Variants in CCSER1 observed in about 807,000 individuals in gnomAD.
CCSER1 encodes serine-rich coiled-coil domain-containing protein 1.
Under a neutral mutation model 82.0 loss-of-function variants are expected in CCSER1, and 41 were observed. The observed-to-expected ratio is 0.50, with a 90% CI of 0.39 to 0.65. CCSER1 has a LOEUF of 0.65. Ranked by LOEUF, CCSER1 falls within the 30% of genes least tolerant of loss-of-function variation. The pLI is 0.00. For synonymous variants in CCSER1, 414 were observed against 383.9 expected, an observed-to-expected ratio of 1.08 and a Z score of -0.92; for missense variants, 1,119 against 1,064.2, an observed-to-expected ratio of 1.05 and a Z score of -0.72.
intron 6 of CCSER1, among the ~76,000 whole-genome samples, chr4:90,651,631 T>A (rs1210754389): frequency 6.6e-6 from 1 of 151,810 alleles, no homozygotes; most frequent in Non-Finnish European, 1.5e-5. Context: ...GGCACGTGTA[T>A]ACCTACGTAA....
At chr4:90,480,864 CT>C (rs1560584319) in intron 5 of CCSER1, among the ~76,000 whole-genome samples, 1 of 152,118 alleles carries the variant, frequency 6.6e-6, no homozygotes, top group Non-Finnish European at 1.5e-5. Flanking sequence ...AATGCGGGCT[CT>C]TTTTTGGTTC....
At chr4:91,490,488 G>T (rs1477987418) in intron 10 of CCSER1, among the ~76,000 whole-genome samples, 2 of 151,942 alleles carry the variant, frequency 1.3e-5, no homozygotes, top group Admixed American at 1.3e-4. Flanking sequence ...AATACACCAG[G>T]CCCAGAAAGA....
chr4:90,919,163 A>G (rs73834582), intron 8 of CCSER1, among the ~76,000 whole-genome samples: 5,775 of 151,240 alleles, frequency 0.038, 347 homozygotes, highest in African/African-American at 0.13. Context: ...GACACCAAAA[A>G]TAGTTTTATT....
intron 1 of CCSER1, among the ~76,000 whole-genome samples, chr4:90,165,540 CTT>C (rs1730288124): frequency 6.6e-6 from 1 of 151,922 alleles, no homozygotes; most frequent in South Asian, 2.1e-4. Flanking sequence ...AATTGTTACT[CTT>C]ATTGGGCAGT....
At chr4:91,191,269 T>G (rs1050859606) in intron 10 of CCSER1, among the ~76,000 whole-genome samples, 3 of 152,150 alleles carry the variant, frequency 2.0e-5, no homozygotes, top group African/African-American at 7.2e-5. Flanking sequence ...TATCTGCTAT[T>G]TCTGTTGTAT....
intron 10 of CCSER1, among the ~76,000 whole-genome samples, chr4:91,459,241 T>G (rs941109006): frequency 1.3e-5 from 2 of 152,022 alleles, no homozygotes; most frequent in African/African-American, 2.4e-5. Flanking sequence ...TTGATAAGTG[T>G]TGTATGAAAG....
chr4:91,478,126 GA>G (rs1296917267), intron 10 of CCSER1, among the ~76,000 whole-genome samples: 2 of 151,772 alleles, frequency 1.3e-5, no homozygotes, highest in African/African-American at 4.8e-5. Context: ...AATGTTTCCT[GA>G]AAAGTCTTTC....
At chr4:90,728,098 C>T (rs1744006210) in intron 7 of CCSER1, among the ~76,000 whole-genome samples, 1 of 152,150 alleles carries the variant, frequency 6.6e-6, no homozygotes, top group African/African-American at 2.4e-5. Context: ...TTGACTACTG[C>T]TTCCCTGGGA....
chr4:90,241,279 C>T (rs1746785335), intron 1 of CCSER1, among the ~76,000 whole-genome samples: 1 of 152,158 alleles, frequency 6.6e-6, no homozygotes, highest in African/African-American at 2.4e-5. Flanking sequence ...CTTTCATGTT[C>T]ATATACTGTT....
intron 10 of CCSER1, among the ~76,000 whole-genome samples, chr4:91,115,861 T>TATATATATATATATATATA (rs757901995): frequency 7.5e-6 from 1 of 133,582 alleles, no homozygotes; most frequent in South Asian, 2.5e-4. Context: ...ATATATATAT[T>TATATATATATATATATATA]TTTTTTTATT....
At chr4:90,192,242 A>G (rs1735774454) in intron 1 of CCSER1, among the ~76,000 whole-genome samples, 1 of 151,974 alleles carries the variant, frequency 6.6e-6, no homozygotes, top group South Asian at 2.1e-4. Context: ...AGTAGCCATC[A>G]GATCTTGTGA....
chr4:91,169,123 G>T (rs1732482639), intron 10 of CCSER1, among the ~76,000 whole-genome samples: 1 of 148,524 alleles, frequency 6.7e-6, no homozygotes, highest in South Asian at 2.1e-4. Flanking sequence ...TTTATCTGCT[G>T]ACCTTGTCTC....
At chr4:90,631,201 A>G (rs949295382) in intron 6 of CCSER1, among the ~76,000 whole-genome samples, 1 of 152,088 alleles carries the variant, frequency 6.6e-6, no homozygotes, top group African/African-American at 2.4e-5. Context: ...CCAAGTTCAC[A>G]GATTATTTTT....
intron 10 of CCSER1, among the ~76,000 whole-genome samples, chr4:91,148,228 G>A (rs555305468): frequency 2.1e-4 from 32 of 151,842 alleles, no homozygotes; most frequent in African/African-American, 6.5e-4. Flanking sequence ...CTTACAATGC[G>A]GTCTAATCCA....
intron 10 of CCSER1, among the ~76,000 whole-genome samples, chr4:91,259,202 C>T (rs933314773): frequency 1.3e-5 from 2 of 151,964 alleles, no homozygotes; most frequent in African/African-American, 2.4e-5. Context: ...ATGAAAGTTG[C>T]CTTAAAGATG....
chr4:90,537,625 T>C (rs1775576181), intron 5 of CCSER1, among the ~76,000 whole-genome samples: 1 of 152,214 alleles, frequency 6.6e-6, no homozygotes, highest in African/African-American at 2.4e-5. Flanking sequence ...TGTGGTTGCT[T>C]TGTATGAAGG....
intron 5 of CCSER1, among the ~76,000 whole-genome samples, chr4:90,483,677 C>A (rs1373047504): frequency 6.6e-6 from 1 of 152,116 alleles, no homozygotes; most frequent in Non-Finnish European, 1.5e-5. Flanking sequence ...AAATTCTTTT[C>A]TTTAAGAATG....
At chr4:90,504,359 G>A (rs1770382332) in intron 5 of CCSER1, among the ~76,000 whole-genome samples, 1 of 152,050 alleles carries the variant, frequency 6.6e-6, no homozygotes, top group Non-Finnish European at 1.5e-5. Flanking sequence ...AACACATCTA[G>A]ATATGTATAC....
intron 3 of CCSER1, among the ~76,000 whole-genome samples, chr4:90,357,669 C>T (rs1455752093): frequency 6.6e-6 from 1 of 151,938 alleles, no homozygotes; most frequent in Non-Finnish European, 1.5e-5. Flanking sequence ...AATGTGCATT[C>T]ATTAGTTAAG....
Sources: allele counts gnomAD v4.1 joint callset (sites outside exome capture counted in the v4.1 genomes callset), GRCh38; gene constraint gnomAD v4.1.1; transcripts MANE v1.5; gene names NCBI Gene and HGNC (gene_info 2026-07-23, HGNC 2026-07-21).